Variants in SSBP3 observed in about 807,000 individuals in gnomAD.
The protein encoded by SSBP3 is single stranded DNA binding protein 3.
Under a neutral mutation model 69.6 loss-of-function variants are expected in SSBP3, and 5 were observed. That is an observed-to-expected ratio of 0.07 (90% CI 0.04 to 0.15). SSBP3 has a LOEUF of 0.15. Among genes scored for constraint, SSBP3 ranks in the 10% least tolerant of loss-of-function variants. SSBP3 has a pLI of 1.00. For synonymous variants in SSBP3, 196 were observed against 193.4 expected (o/e 1.01, Z -0.11); for missense variants, 312 against 534.0 (o/e 0.58, Z 4.10).
intron 4 of SSBP3, among the ~76,000 whole-genome samples, chr1:54,311,863 G>A (rs747005773): frequency 4.6e-5 from 7 of 152,170 alleles, no homozygotes; most frequent in Admixed American, 2.6e-4. Context: ...GTTCCCCGGA[G>A]CCACAGTTCT....
intron 4 of SSBP3, among the ~76,000 whole-genome samples, chr1:54,399,969 T>C (rs1378605170): frequency 6.6e-6 from 1 of 151,938 alleles, no homozygotes; most frequent in Non-Finnish European, 1.5e-5. Flanking sequence ...AAAAAAAAGG[T>C]TTTTACACCC....
intron 4 of SSBP3, among the ~76,000 whole-genome samples, chr1:54,396,660 G>A (rs1648909843): frequency 6.6e-6 from 1 of 152,134 alleles, no homozygotes; most frequent in African/African-American, 2.4e-5. Context: ...TCTGAGTGCT[G>A]GCTGGCACAG....
At chr1:54,373,720 T>C (rs1647173263) in intron 4 of SSBP3, among the ~76,000 whole-genome samples, 1 of 150,784 alleles carries the variant, frequency 6.6e-6, no homozygotes, top group African/African-American at 2.4e-5. Context: ...GGAGCCGAGA[T>C]TGCACCACTG....
In SSBP3 at chr1:54,259,983, G is replaced by A. The variant is rs555101641; in HGVS notation, c.367-1834C>T. On this transcript the variant is annotated intron_variant, in intron 5 of 17. Transcript: ENST00000610401. ...GCAATTTTGCAAGCATTTGTTTAGC[G>A]GCTTTCCCAAACATGAATACCACTG... 1.4e-4 allele frequency among the ~76,000 whole-genome samples: 22 copies of A among 152,306 alleles called. No homozygotes were observed. The South Asian group carries it at 3.7e-3, about 26-fold the overall frequency.
chr1:54,348,837 T>C (rs1258737825), intron 4 of SSBP3, among the ~76,000 whole-genome samples: 1 of 152,090 alleles, frequency 6.6e-6, no homozygotes, highest in African/African-American at 2.4e-5. Flanking sequence ...CGGAAGTGAG[T>C]GGCCTCTAAA....
At chr1:54,309,903 T>C (rs945220794) in intron 4 of SSBP3, among the ~76,000 whole-genome samples, 2 of 152,096 alleles carry the variant, frequency 1.3e-5, no homozygotes, top group Non-Finnish European at 2.9e-5. Flanking sequence ...AACTGTCCTC[T>C]ATTAAAATGC....
intron 9 of SSBP3, among the ~76,000 whole-genome samples, chr1:54,249,546 T>C (rs1056151187): frequency 1.3e-5 from 2 of 151,844 alleles, no homozygotes; most frequent in Non-Finnish European, 2.9e-5. Context: ...AATACAAAAA[T>C]TAGCCAGGCG....
intron 4 of SSBP3, among the ~76,000 whole-genome samples, chr1:54,308,108 A>G (rs181639428): frequency 2.0e-4 from 31 of 152,320 alleles, no homozygotes; most frequent in African/African-American, 7.2e-4. Context: ...TTTAAAGCAC[A>G]ACTTCCCCTG....
chr1:54,259,870 G>GT (rs1491308394), intron 5 of SSBP3, among the ~76,000 whole-genome samples: 1 of 152,230 alleles, frequency 6.6e-6, no homozygotes, highest in African/African-American at 2.4e-5. Context: ...ATTTCAACAA[G>GT]TGTGTGTCTT....
intron 4 of SSBP3, among the ~76,000 whole-genome samples, chr1:54,381,945 G>A (rs1233534556): frequency 6.6e-6 from 1 of 152,244 alleles, no homozygotes; most frequent in Non-Finnish European, 1.5e-5. Flanking sequence ...TGCAATCCAA[G>A]CACTTTGGGA....
In SSBP3 at chr1:54,399,736, AGAAG is replaced by A. The variant is rs776709785; in HGVS notation, c.276+2121_276+2124del. 3.9e-5 allele frequency among the ~76,000 whole-genome samples: 6 copies of A among 152,318 alleles called. No homozygotes were observed. The South Asian group carries it at 1.2e-3, about 32-fold the overall frequency. On this transcript the variant is annotated intron_variant, in intron 4 of 17. Coordinates refer to ENST00000610401, the Ensembl canonical transcript of SSBP3. ...GAAGGTTAACTAGACTGTAGCCACA[AGAAG>A]GGAGAGACTAGATGAAGACTGGAGA... is the stretch of plus-strand genomic sequence containing the variant.
intron 4 of SSBP3, among the ~76,000 whole-genome samples, chr1:54,300,402 G>A (rs955549033): frequency 6.6e-6 from 1 of 152,184 alleles, no homozygotes; most frequent in Non-Finnish European, 1.5e-5. Flanking sequence ...TCAGCTCAGG[G>A]GCCCAGAGCA....
intron 4 of SSBP3, among the ~76,000 whole-genome samples, chr1:54,313,359 T>C (rs774891155): frequency 9.2e-5 from 14 of 151,852 alleles, no homozygotes; most frequent in Non-Finnish European, 1.3e-4. Flanking sequence ...GGGCTCCTGC[T>C]TTCTCTTCTG....
chr1:54,399,546 G>A (rs993641439), intron 4 of SSBP3, among the ~76,000 whole-genome samples: 1 of 152,160 alleles, frequency 6.6e-6, no homozygotes, highest in Non-Finnish European at 1.5e-5. Flanking sequence ...TTATAGATAT[G>A]GAGATGAAGG....
At chr1:54,391,166 T>C (rs1174276800) in intron 4 of SSBP3, among the ~76,000 whole-genome samples, 1 of 152,210 alleles carries the variant, frequency 6.6e-6, no homozygotes, top group South Asian at 2.1e-4. Context: ...AGTGTCTCCT[T>C]CTTCTTGCAC....
At chr1:54,270,304 G>A (rs1645170815) in intron 5 of SSBP3, among the ~76,000 whole-genome samples, 1 of 152,148 alleles carries the variant, frequency 6.6e-6, no homozygotes, top group African/African-American at 2.4e-5. Flanking sequence ...GCAAGCCCGG[G>A]AGGAAAAGAA....
intron 7 of SSBP3, among the ~76,000 whole-genome samples, chr1:54,252,311 G>A (rs1400195855): frequency 2.0e-5 from 3 of 152,180 alleles, no homozygotes; most frequent in Admixed American, 6.5e-5. Context: ...CCAAATTACG[G>A]GGACTGAGAC....
At chr1:54,281,775 C>T (rs1288975831) in intron 4 of SSBP3, among the ~76,000 whole-genome samples, 3 of 152,096 alleles carry the variant, frequency 2.0e-5, no homozygotes, top group Non-Finnish European at 4.4e-5. Flanking sequence ...GAGCAAGCAA[C>T]GAATTCCGAG....
rs1264366785 is a variant in SSBP3 at position 54,401,964 on chromosome 1, A to C, written c.192-19T>G. On this transcript the variant is annotated intron_variant, in intron 3 of 17. Coordinates refer to ENST00000610401, the Ensembl canonical transcript of SSBP3. ...AAATACACTGCGAGGAGGAAAATAA[A>C]ATAAGGTCAGGTTACTAATTATTAC... is the stretch of plus-strand genomic sequence containing the variant. 6.2e-7 allele frequency: 1 copy of C among 1,607,932 alleles called. No homozygotes were observed. Among genetic ancestry groups the C allele is most frequent in the Non-Finnish European group, 8.5e-7 (1 of 1,174,662 alleles).
Sources: allele counts gnomAD v4.1 joint callset (sites outside exome capture counted in the v4.1 genomes callset), GRCh38; gene constraint gnomAD v4.1.1; transcripts MANE v1.5; gene names NCBI Gene and HGNC (gene_info 2026-07-23, HGNC 2026-07-21).